CACHD1: variants seen among roughly 807,000 people sequenced by gnomAD.
CACHD1 encodes VWFA and cache domain-containing protein 1.
A neutral mutation model predicts 138.7 loss-of-function variants in CACHD1; 71 were observed. The observed-to-expected ratio is 0.51, with a 90% confidence interval of 0.42 to 0.62. CACHD1 has a LOEUF of 0.62. CACHD1 is among the 20% of genes least tolerant of loss of function. The pLI, the probability that CACHD1 is intolerant of heterozygous loss-of-function variation, is 0.00. For missense variants in CACHD1, 1,389 were observed against 1,625.3 expected (o/e 0.85, Z 2.50); for synonymous variants, 578 against 591.5 (o/e 0.98, Z 0.33).
chr1:64,663,794 A>C lies in CACHD1; in HGVS notation c.2051A>C (p.Tyr684Ser), dbSNP rs1412943739. Residue 684 changes from tyrosine (Y) to serine (S), a missense_variant, in exon 14 of 27, where the codon TAT (tyrosine) becomes TCT (serine). Tyr to Ser is a moderately radical substitution (Grantham distance 144). Coordinates refer to ENST00000651257, the MANE Select transcript of CACHD1 (RefSeq NM_020925.4). ...TKRMVEHYTAYLSDNTRLIAN... is the reference protein window; with the variant it reads ...TKRMVEHYTASLSDNTRLIAN... ...CGCATGGTAGAGCACTACACCGCCT[A>C]TCTCAGCGACAACACCCGCCTCATT... The C allele has an allele frequency of 1.9e-6, 3 of 1,613,988 alleles. No individual in the cohort carries two copies. Among genetic ancestry groups the C allele is most frequent in the Non-Finnish European group, 2.5e-6 (3 of 1,180,004 alleles).
At chr1:64,685,368 A>G (rs74080496) in intron 26 of CACHD1, among the ~76,000 whole-genome samples, 3 of 152,296 alleles carry the variant, frequency 2.0e-5, no homozygotes, top group African/African-American at 7.2e-5. Flanking sequence ...CAATGATGAA[A>G]TTACCTAAGG....
rs1036161749 is a variant in CACHD1, at chr1:64,663,892, G to C, written c.2094+55G>C. 14 of 1,608,394 alleles carry C rather than the reference G, an allele frequency of 8.7e-6. No individual in the cohort carries two copies. In the African/African-American group the frequency reaches 1.1e-4, roughly 12 times the overall value. On this transcript the variant is annotated intron_variant, in intron 14 of 26. Coordinates refer to ENST00000651257, the MANE Select transcript of CACHD1 (RefSeq NM_020925.4). ...GTGTCCCCCTCCACAGGCCCAGCAG[G>C]GGGTGCTGGCAGTGAACCTTTGAAG... is the stretch of plus-strand genomic sequence containing the variant.
chr1:64,639,179 A>G (rs1648618441), intron 7 of CACHD1, among the ~76,000 whole-genome samples: 1 of 152,202 alleles, frequency 6.6e-6, no homozygotes, highest in African/African-American at 2.4e-5. Flanking sequence ...TTTATCACAC[A>G]TATACTTTTG....
intron 1 of CACHD1, 47 bp from the exon 2 acceptor site, chr1:64,550,547 A>G: frequency 7.2e-7 from 1 of 1,387,274 alleles, no homozygotes. Flanking sequence ...CTCATGTAGA[A>G]AATGACTTAT....
chr1:64,564,444 C>T lies in CACHD1; in HGVS notation c.261+13788C>T, dbSNP rs1294234028. Reference sequence around the variant, plus strand: ...TCTGTAACTTGGGATGCTGTATCAGCATCAATCATCTGACCCTTCTTTGAG... The same window carrying T: ...TCTGTAACTTGGGATGCTGTATCAGTATCAATCATCTGACCCTTCTTTGAG... On this transcript the variant is annotated intron_variant, in intron 2 of 26. Coordinates refer to ENST00000651257, the MANE Select transcript of CACHD1 (RefSeq NM_020925.4). Among the ~76,000 whole-genome samples, 5 of 152,268 alleles carry T rather than the reference C, an allele frequency of 3.3e-5. No homozygotes were observed. In the East Asian group the frequency reaches 9.7e-4, roughly 29 times the overall value.
intron 3 of CACHD1, among the ~76,000 whole-genome samples, chr1:64,587,587 T>C (rs1217933843): frequency 6.6e-6 from 1 of 152,228 alleles, no homozygotes; most frequent in African/African-American, 2.4e-5. Context: ...CTGTCAATGT[T>C]TGTTGTTGAA....
intron 2 of CACHD1, among the ~76,000 whole-genome samples, chr1:64,577,827 A>C (rs968363321): frequency 6.6e-6 from 1 of 152,216 alleles, no homozygotes; most frequent in Non-Finnish European, 1.5e-5. Context: ...CCTTTTGTGA[A>C]GTGCCATAGG....
In CACHD1 at chr1:64,666,114, T is replaced by C; in HGVS notation, c.2334T>C (p.Asp778=). The C allele has an allele frequency of 6.2e-7, 1 of 1,613,572 alleles. No individual in the cohort carries two copies. Among genetic ancestry groups the C allele is most frequent in the Non-Finnish European group, 8.5e-7 (1 of 1,179,530 alleles). ...GLISLTGPYL[D]VGGAGYVVTI... is the part of the protein sequence containing the mutation. ...TTTCTTTGACTGGTCCTTACTTAGA[T>C]GTTGGAGGAGCTGGTTATGTTGTGA... is the stretch of plus-strand genomic sequence containing the variant. The change falls in exon 16 of 27, where the codon GAT becomes GAC. Residue 778 remains aspartate (D), a synonymous_variant. Transcript: ENST00000651257.
chr1:64,634,835 A>G (rs12739734), intron 7 of CACHD1, among the ~76,000 whole-genome samples: 3 of 151,904 alleles, frequency 2.0e-5, no homozygotes, highest in Admixed American at 1.3e-4. Flanking sequence ...TCTACTAAAA[A>G]TACAAAAAAA....
In CACHD1 at chr1:64,496,340, A is replaced by C. The variant is rs191240046; in HGVS notation, c.198+25398A>C. Among the ~76,000 whole-genome samples the C allele has an allele frequency of 1.2e-3, 180 of 152,324 alleles. 1 individual carries two copies. The highest frequency in any genetic ancestry group is 4.2e-3 in the African/African-American group (176 of 41,570). On this transcript the variant is annotated intron_variant, in intron 1 of 26. Coordinates refer to ENST00000651257, the MANE Select transcript of CACHD1 (RefSeq NM_020925.4). Reference sequence around the variant, plus strand: ...GTTCAGCCAACCTAGAATATTTAAGAGGAGATGTGCTGGAGTGTCAAGAAA... The same window carrying C: ...GTTCAGCCAACCTAGAATATTTAAGCGGAGATGTGCTGGAGTGTCAAGAAA...
chr1:64,559,649 T>TA (rs1052661295), intron 2 of CACHD1, among the ~76,000 whole-genome samples: 3 of 151,492 alleles, frequency 2.0e-5, no homozygotes, highest in African/African-American at 7.3e-5. Flanking sequence ...AACCTAAAAT[T>TA]AAAAAAACAA....
intron 10 of CACHD1, among the ~76,000 whole-genome samples, chr1:64,652,732 G>T (rs1649135928): frequency 6.6e-6 from 1 of 152,168 alleles, no homozygotes; most frequent in Admixed American, 6.5e-5. Flanking sequence ...TTATTAAAAA[G>T]TCAAAAAATA....
At chr1:64,623,792 G>A (rs1258041460) in intron 4 of CACHD1, among the ~76,000 whole-genome samples, 1 of 152,184 alleles carries the variant, frequency 6.6e-6, no homozygotes, top group African/African-American at 2.4e-5. Context: ...GGTAGGTGTA[G>A]GTGTATAGAG....
intron 2 of CACHD1, among the ~76,000 whole-genome samples, chr1:64,559,741 T>C (rs1359773139): frequency 6.6e-6 from 1 of 152,228 alleles, no homozygotes; most frequent in Admixed American, 6.5e-5. Context: ...TATTTCTTCC[T>C]GCAGTGTTTG....
intron 4 of CACHD1, among the ~76,000 whole-genome samples, chr1:64,621,450 C>T (rs1570424751): frequency 6.6e-6 from 1 of 152,216 alleles, no homozygotes; most frequent in East Asian, 1.9e-4. Flanking sequence ...ATTTGTAAAT[C>T]TGTATACTTC....
chr1:64,642,919 G>A (rs1204007562), intron 8 of CACHD1, among the ~76,000 whole-genome samples: 1 of 151,142 alleles, frequency 6.6e-6, no homozygotes, highest in Middle Eastern at 3.2e-3. Flanking sequence ...TGCGCCTGTA[G>A]TCCCAGCTAC....
At chr1:64,562,393 T>TA (rs1290649202) in intron 2 of CACHD1, among the ~76,000 whole-genome samples, 2 of 148,094 alleles carry the variant, frequency 1.4e-5, no homozygotes, top group African/African-American at 4.9e-5. Flanking sequence ...GGTTTATTCT[T>TA]ATGCTGCAGA....
chr1:64,654,840 C>A, intron 12 of CACHD1, 37 bp downstream of exon 12: 1 of 1,430,692 alleles, frequency 7.0e-7, no homozygotes, highest in Non-Finnish European at 9.9e-7. Flanking sequence ...TGAAGAGCTA[C>A]AGGGTACAGT....
chr1:64,505,469 G>A (rs1646365413), intron 1 of CACHD1, among the ~76,000 whole-genome samples: 1 of 152,070 alleles, frequency 6.6e-6, no homozygotes, highest in African/African-American at 2.4e-5. Flanking sequence ...CTCAGCGAAG[G>A]CCCTCAGCTC....
Sources: gnomAD v4.1 joint callset for allele counts (sites outside exome capture counted in the v4.1 genomes callset) on GRCh38, gnomAD v4.1.1 for gene constraint, MANE v1.5 for transcripts, NCBI Gene and HGNC (gene_info 2026-07-23, HGNC 2026-07-21) for gene names.